Variants in TBC1D19 observed in about 807,000 individuals in gnomAD.
TBC1D19 encodes TBC1 domain family, member 19.
A neutral mutation model predicts 89.0 loss-of-function variants in TBC1D19; 60 were observed. That is an observed-to-expected ratio of 0.67 (90% CI 0.55 to 0.84). The LOEUF (loss-of-function observed/expected upper bound fraction) is 0.84. TBC1D19 is among the 40% of genes least tolerant of loss of function. The pLI, the probability that TBC1D19 is intolerant of heterozygous loss-of-function variation, is 0.00. For missense variants in TBC1D19, 500 were observed against 610.8 expected (o/e 0.82, Z 1.91); for synonymous variants, 189 against 199.7 (o/e 0.95, Z 0.45).
In TBC1D19 at chr4:26,604,609, G is replaced by A. The variant is rs1245408940; in HGVS notation, c.100-8560G>A. 3.3e-5 allele frequency among the ~76,000 whole-genome samples: 5 copies of A among 149,940 alleles called. No homozygotes were observed. In the South Asian group the frequency reaches 8.5e-4, roughly 26 times the overall value. On this transcript the variant is annotated intron_variant, in intron 1 of 20. Transcript: ENST00000264866. ...CTATGGGCCGGGCATGGTGGCTCAC[G>A]CCTGTAATCCCAGCACTTTACTTTG...
At chr4:26,830,975 G>A in the TBC1D19 span, among the ~76,000 whole-genome samples, 1 of 151,992 alleles carries the variant, frequency 6.6e-6, no homozygotes, top group Admixed American at 6.6e-5. Flanking sequence ...TACCCAAAAG[G>A]GTCTATAACT....
At chr4:26,591,067 C>T (rs937668670) in intron 1 of TBC1D19, among the ~76,000 whole-genome samples, 2 of 114,754 alleles carry the variant, frequency 1.7e-5, no homozygotes, top group African/African-American at 2.6e-5. Context: ...TCATTCCTCC[C>T]TTCCCCCTGA....
chr4:26,645,991 C>T lies in TBC1D19; in HGVS notation c.480+5804C>T, dbSNP rs533973663. Among the ~76,000 whole-genome samples the T allele has an allele frequency of 1.4e-3, 204 of 150,630 alleles. 2 individuals are homozygous for T. The South Asian group carries it at 0.018, about 13-fold the overall frequency. ...ACAAAAAATTAGCCGGGCGTAGTGG[C>T]GGGCGCCTGTAGTCCCAGCTACTTG... On this transcript the variant is annotated intron_variant, in intron 7 of 20. Transcript: ENST00000264866.
At chr4:26,813,814 T>G in the TBC1D19 span, among the ~76,000 whole-genome samples, 1 of 152,176 alleles carries the variant, frequency 6.6e-6, no homozygotes, top group African/African-American at 2.4e-5. Flanking sequence ...GATGGCCTCA[T>G]GCCAGCAGGC....
downstream of TBC1D19, among the ~76,000 whole-genome samples, chr4:26,761,219 C>T (rs761114968): frequency 6.6e-6 from 1 of 152,190 alleles, no homozygotes; most frequent in Non-Finnish European, 1.5e-5. Flanking sequence ...ACTTTTTAAT[C>T]TGCACCAAAA....
chr4:26,679,058 AAC>A (rs1170418920), intron 11 of TBC1D19, among the ~76,000 whole-genome samples: 1 of 152,214 alleles, frequency 6.6e-6, no homozygotes, highest in Non-Finnish European at 1.5e-5. Flanking sequence ...GTAGAAAAGA[AAC>A]ACCCATTTTC....
intron 15 of TBC1D19, among the ~76,000 whole-genome samples, chr4:26,725,386 A>G (rs1318426257): frequency 6.6e-6 from 1 of 151,972 alleles, no homozygotes; most frequent in Non-Finnish European, 1.5e-5. Context: ...CTCTCCTCCA[A>G]TTCCTGACTA....
chr4:26,712,227 A>T (rs890470013), intron 13 of TBC1D19, among the ~76,000 whole-genome samples: 1 of 151,994 alleles, frequency 6.6e-6, no homozygotes, highest in Non-Finnish European at 1.5e-5. Flanking sequence ...CTATTAGTTT[A>T]TTATTGCTGC....
chr4:26,845,342 G>GT, the TBC1D19 span, among the ~76,000 whole-genome samples: 1 of 152,030 alleles, frequency 6.6e-6, no homozygotes, highest in Non-Finnish European at 1.5e-5. Context: ...AAACTTCTAT[G>GT]TTTTTTCAAG....
At chr4:26,786,267 A>G in the TBC1D19 span, among the ~76,000 whole-genome samples, 4 of 152,176 alleles carry the variant, frequency 2.6e-5, no homozygotes, top group Admixed American at 6.5e-5. Flanking sequence ...TGAGTATTCA[A>G]TGTCGCCAAA....
chr4:26,770,987 A>G, the TBC1D19 span, among the ~76,000 whole-genome samples: 1 of 104,858 alleles, frequency 9.5e-6, no homozygotes, highest in East Asian at 2.8e-4. Flanking sequence ...AATTTGTACT[A>G]TAAATACCAA....
chr4:26,600,159 G>T (rs569766037), intron 1 of TBC1D19, among the ~76,000 whole-genome samples: 26 of 152,126 alleles, frequency 1.7e-4, no homozygotes, highest in Non-Finnish European at 3.4e-4. Flanking sequence ...TAATAGAATT[G>T]CAAAAGGAAG....
At chr4:26,850,540 C>CAAAAAAAAAAAAAAAAAAAAAAAAAAAA in the TBC1D19 span, among the ~76,000 whole-genome samples, 18 of 90,416 alleles carry the variant, frequency 2.0e-4, 1 homozygote, top group African/African-American at 7.8e-4. Flanking sequence ...GACCCTGTCT[C>CAAAAAAAAAAAAAAAAAAAAAAAAAAAA]AAAAAAAAAA....
rs78288370 is a variant in TBC1D19 at position 26,602,342 on chromosome 4, A to G, written c.100-10827A>G. ...GGGGGGCTTTATTTATTGTGCAGACATTTATACTAATGGCACAAAAGCAAT... is the reference window on the plus strand; with the variant it reads ...GGGGGGCTTTATTTATTGTGCAGACGTTTATACTAATGGCACAAAAGCAAT... On this transcript the variant is annotated intron_variant, in intron 1 of 20. Coordinates refer to ENST00000264866, the MANE Select transcript of TBC1D19 (RefSeq NM_018317.4). Among the ~76,000 whole-genome samples, 1,483 of 152,012 alleles carry G rather than the reference A, an allele frequency of 9.8e-3. 13 individuals are homozygous for G. The highest frequency in any genetic ancestry group is 0.059 in the South Asian group (286 of 4,812).
chr4:26,736,453 G>A (rs1002319404), intron 16 of TBC1D19, among the ~76,000 whole-genome samples: 5 of 149,822 alleles, frequency 3.3e-5, no homozygotes, highest in African/African-American at 1.2e-4. Flanking sequence ...TAGATGACAA[G>A]TTAGTGGGTG....
In TBC1D19 at chr4:26,659,341, A is replaced by T. The variant is rs116730436; in HGVS notation, c.481-256A>T. Among the ~76,000 whole-genome samples, 314 of 152,198 alleles carry T rather than the reference A, an allele frequency of 2.1e-3. 3 individuals are homozygous for T. The highest frequency in any genetic ancestry group is 7.4e-3 in the African/African-American group (306 of 41,562). On this transcript the variant is annotated intron_variant, in intron 7 of 20. Coordinates refer to ENST00000264866, the MANE Select transcript of TBC1D19 (RefSeq NM_018317.4). The stretch of plus-strand genomic sequence containing the variant: ...ACCAAAAAGTTTTTATTTTTAAGTA[A>T]ATTCTTAACTTGGTAGAGTTTTGTA...
chr4:26,842,596 CTTTCTT>C, the TBC1D19 span, among the ~76,000 whole-genome samples: 1 of 112,106 alleles, frequency 8.9e-6, no homozygotes, highest in African/African-American at 3.6e-5. Flanking sequence ...TTCTTTCTTT[CTTTCTT>C]TCTTTCTTTC....
chr4:26,577,536 C>T (rs1181869719), intron 1 of TBC1D19, among the ~76,000 whole-genome samples: 1 of 152,212 alleles, frequency 6.6e-6, no homozygotes, highest in African/African-American at 2.4e-5. Flanking sequence ...TACTTGTTAC[C>T]TTCCAGGCAA....
chr4:26,656,913 T>A (rs2109065099), intron 7 of TBC1D19, among the ~76,000 whole-genome samples: 1 of 152,026 alleles, frequency 6.6e-6, no homozygotes, highest in East Asian at 1.9e-4. Context: ...TTTTCAAATT[T>A]TTTTTTTCCT....
Sources: gnomAD v4.1 joint callset for allele counts (sites outside exome capture counted in the v4.1 genomes callset) on GRCh38, gnomAD v4.1.1 for gene constraint, MANE v1.5 for transcripts, NCBI Gene and HGNC (gene_info 2026-07-23, HGNC 2026-07-21) for gene names.